CAMK2B: variants seen among roughly 807,000 people sequenced by gnomAD.
CAMK2B encodes calcium/calmodulin dependent protein kinase II beta.
A neutral mutation model predicts 93.7 loss-of-function variants in CAMK2B; 27 were observed. That is an observed-to-expected ratio of 0.29 (90% confidence interval 0.21 to 0.40). The LOEUF (loss-of-function observed/expected upper bound fraction) is 0.40, where lower values mean the gene tolerates loss of function less well. CAMK2B is among the 10% of genes least tolerant of loss of function. The probability of loss-of-function intolerance (pLI) is 1.00; values close to 1 mark genes in which losing one functional copy is unlikely to be tolerated. For synonymous variants in CAMK2B, 374 were observed against 358.8 expected (o/e 1.04, Z -0.48); for missense variants, 568 against 895.8 (o/e 0.63, Z 4.67).
chr7:44,244,863 G>A (rs1444768046), intron 6 of CAMK2B: 7 of 449,870 alleles, frequency 1.6e-5, no homozygotes, highest in Non-Finnish European at 3.1e-5. Flanking sequence ...AGCATTGGGG[G>A]CTTCTGTCCC....
intron 1 of CAMK2B, among the ~76,000 whole-genome samples, chr7:44,305,091 A>G (rs1290141755): frequency 1.3e-5 from 2 of 152,142 alleles, no homozygotes; most frequent in African/African-American, 2.4e-5. Context: ...CAACATTAGG[A>G]AAAGGTGTTT....
At chr7:44,269,393 G>A (rs62459110) in intron 2 of CAMK2B, among the ~76,000 whole-genome samples, 2 of 152,174 alleles carry the variant, frequency 1.3e-5, no homozygotes, top group Non-Finnish European at 2.9e-5. Context: ...TTGGTAAATC[G>A]TTGATGTTCG....
In CAMK2B at chr7:44,321,736, A is replaced by G. The variant is rs146441582; in HGVS notation, c.65+3621T>C. 1.1e-3 allele frequency among the ~76,000 whole-genome samples: 164 copies of G among 152,320 alleles called. 1 individual carries two copies. The Middle Eastern group carries it at 0.014, about 13-fold the overall frequency. ...TTCTAGGGAGATCTCCATGTTTGAAAAGAGACAACTCCCCAAAAATGGAAG... is the reference window on the plus strand; with the variant it reads ...TTCTAGGGAGATCTCCATGTTTGAAGAGAGACAACTCCCCAAAAATGGAAG... On this transcript the variant is annotated intron_variant, in intron 1 of 23. Transcript: ENST00000395749.
chr7:44,256,355 ATG>A (rs1039500279), intron 4 of CAMK2B, among the ~76,000 whole-genome samples: 1 of 151,978 alleles, frequency 6.6e-6, no homozygotes, highest in South Asian at 2.1e-4. Flanking sequence ...GCACATGTGC[ATG>A]TGTGTCTGTG....
At chr7:44,252,697 C>T (rs1268575652) in intron 5 of CAMK2B, among the ~76,000 whole-genome samples, 3 of 152,166 alleles carry the variant, frequency 2.0e-5, no homozygotes, top group Non-Finnish European at 4.4e-5. Context: ...AGGATCCCAC[C>T]TGCCCCAGCA....
intron 13 of CAMK2B, among the ~76,000 whole-genome samples, chr7:44,236,648 T>C (rs575174130): frequency 2.0e-4 from 31 of 152,320 alleles, no homozygotes; most frequent in African/African-American, 7.2e-4. Context: ...TGCTTCCCTG[T>C]AACTTGCTAT....
chr7:44,323,438 T>A (rs1796661691), intron 1 of CAMK2B, among the ~76,000 whole-genome samples: 1 of 152,182 alleles, frequency 6.6e-6, no homozygotes, highest in Non-Finnish European at 1.5e-5. Flanking sequence ...TGGAGCCACC[T>A]CTCTCAACCT....
intron 1 of CAMK2B, among the ~76,000 whole-genome samples, chr7:44,290,989 T>C (rs973236237): frequency 1.3e-5 from 2 of 152,212 alleles, no homozygotes; most frequent in African/African-American, 4.8e-5. Context: ...TGTTTGGATG[T>C]GTGCAAGTGT....
At chr7:44,293,356 T>C (rs1234300845) in intron 1 of CAMK2B, among the ~76,000 whole-genome samples, 2 of 152,226 alleles carry the variant, frequency 1.3e-5, no homozygotes, top group Non-Finnish European at 2.9e-5. Context: ...AATTCCCCCA[T>C]ATGCCCTGGT....
In CAMK2B at chr7:44,259,281, G is replaced by A. The variant is rs1301217699; in HGVS notation, c.221-355C>T. The A allele has an allele frequency of 5.4e-5, 13 of 241,066 alleles. No homozygotes were observed. In the East Asian group the frequency reaches 9.3e-4, roughly 17 times the overall value. The allele number at this position is 241,066 out of a possible 1,614,324, so 14.9% of individuals were successfully genotyped here. A position where few individuals can be genotyped will look rare whatever the true frequency, so the allele number is the denominator to read the frequency against. ...GGCCTCAGCTGCTCCCAAACACCAC[G>A]GAGATCAACAGGAGGAGCTCACACC... On this transcript the variant is annotated intron_variant, in intron 3 of 23. Coordinates refer to ENST00000395749, the MANE Select transcript of CAMK2B (RefSeq NM_001220.5).
In CAMK2B at chr7:44,312,669, G is replaced by A. The variant is rs1036318735; in HGVS notation, c.65+12688C>T. ...ACATGAAGTGAGAAAAAGAGAGGGAGAGAAACAGAGAGACAGAGGAGACAG... is the reference window on the plus strand; with the variant it reads ...ACATGAAGTGAGAAAAAGAGAGGGAAAGAAACAGAGAGACAGAGGAGACAG... On this transcript the variant is annotated intron_variant, in intron 1 of 23. Transcript: ENST00000395749. The surrounding 1 kb of genome is among the most constrained non-coding windows in gnomAD (Gnocchi z 4.1). Among the ~76,000 whole-genome samples the A allele has an allele frequency of 1.3e-5, 2 of 152,124 alleles. No individual in the cohort carries two copies. The highest frequency in any genetic ancestry group is 4.8e-5 in the African/African-American group (2 of 41,424).
intron 1 of CAMK2B, among the ~76,000 whole-genome samples, chr7:44,296,052 T>A (rs1479944685): frequency 6.6e-6 from 1 of 152,130 alleles, no homozygotes; most frequent in Non-Finnish European, 1.5e-5. Flanking sequence ...CATGTCCAGC[T>A]TTCAATAAAA....
chr7:44,229,097 G>A, intron 18 of CAMK2B, 173 bp from the exon 19 acceptor site: 3 of 716,030 alleles, frequency 4.2e-6, no homozygotes, highest in Non-Finnish European at 7.5e-6. Context: ...CGCAAGCTGA[G>A]GTGGAGTGAG....
At chr7:44,249,503 C>CTGGTT (rs2096760118) in intron 5 of CAMK2B, among the ~76,000 whole-genome samples, 1 of 152,180 alleles carries the variant, frequency 6.6e-6, no homozygotes. Context: ...AGTCTTGGCC[C>CTGGTT]TGGTTTGTCC....
chr7:44,261,878 C>A (rs1366192178), intron 3 of CAMK2B, among the ~76,000 whole-genome samples: 3 of 152,196 alleles, frequency 2.0e-5, no homozygotes, highest in African/African-American at 7.2e-5. Context: ...GGTGAAGAGT[C>A]CAGTCTGGAT....
At chr7:44,288,464 G>C (rs575346752) in intron 1 of CAMK2B, among the ~76,000 whole-genome samples, 2 of 152,206 alleles carry the variant, frequency 1.3e-5, no homozygotes, top group Non-Finnish European at 2.9e-5. Flanking sequence ...ATCCCAGGTC[G>C]CTGTTCCTGT....
intron 2 of CAMK2B, among the ~76,000 whole-genome samples, chr7:44,282,811 G>A (rs1048241333): frequency 2.0e-4 from 30 of 152,232 alleles, no homozygotes; most frequent in Admixed American, 2.0e-4. Context: ...CCAACCCAGA[G>A]GAGGCCCGTC....
At chr7:44,275,746 T>C (rs1346602066) in intron 2 of CAMK2B, among the ~76,000 whole-genome samples, 1 of 152,158 alleles carries the variant, frequency 6.6e-6, no homozygotes, top group Non-Finnish European at 1.5e-5. Flanking sequence ...TGCTCCTAGG[T>C]GGCCCTCCCC....
intron 5 of CAMK2B, among the ~76,000 whole-genome samples, chr7:44,251,603 C>A (rs1405357142): frequency 1.3e-5 from 2 of 152,222 alleles, no homozygotes; most frequent in East Asian, 3.9e-4. Context: ...GATCCTGGCA[C>A]CCTCTACAGC....
Sources: gnomAD v4.1 joint callset for allele counts (sites outside exome capture counted in the v4.1 genomes callset) on GRCh38, gnomAD v4.1.1 for gene constraint, Gnocchi (gnomAD v3.1) non-coding constraint, MANE v1.5 for transcripts, NCBI Gene and HGNC (gene_info 2026-07-23, HGNC 2026-07-21) for gene names.